The following DUSP14 variants were observed in gnomAD, a reference collection of about 807,000 sequenced individuals.
The protein encoded by DUSP14 is dual specificity protein phosphatase 14.
A neutral mutation model predicts 13.2 loss-of-function variants in DUSP14; 5 were observed. The ratio of observed to expected loss-of-function variants is 0.38; its 90% CI spans 0.20 to 0.80. The LOEUF (loss-of-function observed/expected upper bound fraction) is 0.80. DUSP14 is among the 30% of genes least tolerant of loss of function. The pLI, the probability that DUSP14 is intolerant of heterozygous loss-of-function variation, is 0.44. For synonymous variants in DUSP14, 91 were observed against 103.4 expected, an observed-to-expected ratio of 0.88 and a Z score of 0.73; for missense variants, 185 against 264.0, an observed-to-expected ratio of 0.70 and a Z score of 2.07.
rs539554147 is a variant in DUSP14 at position 37,508,733 on chromosome 17, C to CT, written c.-180-1944_-180-1943insT. On this transcript the variant is annotated intron_variant, in intron 1 of 2. Transcript: ENST00000617516. Reference sequence around the variant, plus strand: ...TGGGTGACAGAGCCAGACTCCATCTCAATATATATATATATATATGTATGT... The same window carrying CT: ...TGGGTGACAGAGCCAGACTCCATCTCTAATATATATATATATATATGTATGT... 6.5e-3 allele frequency among the ~76,000 whole-genome samples: 836 copies of CT among 129,052 alleles called. 6 individuals are homozygous for CT. Among genetic ancestry groups the CT allele is most frequent in the African/African-American group, 0.023 (798 of 35,458 alleles). The allele number at this position is 129,052 out of a possible 152,430, so 84.7% of individuals were successfully genotyped here. A position where few individuals can be genotyped will look rare whatever the true frequency, so the allele number is the denominator to read the frequency against.
At position 37,512,907 on chromosome 17, in the gene DUSP14, G is replaced by A. The variant is rs765512323; in HGVS notation, c.*38G>A. The A allele has an allele frequency of 4.8e-5, 73 of 1,530,106 alleles. No homozygotes were observed. Among genetic ancestry groups the A allele is most frequent in the Non-Finnish European group, 5.9e-5 (66 of 1,118,556 alleles). 94.8% of individuals were successfully genotyped at this position (1,530,106 alleles called of 1,614,324 possible). ...CTGCGTCAGCAGCCCGAGCGGGGCC[G>A]GCATCTGCTCCCCGCCGTCTGCTCC... On this transcript the variant is annotated 3_prime_UTR_variant, in exon 3 of 3. Coordinates refer to ENST00000617516, the MANE Select transcript of DUSP14 (RefSeq NM_007026.4). The surrounding 1 kb of genome is among the most constrained non-coding windows in gnomAD (Gnocchi z 4.8).
intron 1 of DUSP14, among the ~76,000 whole-genome samples, chr17:37,492,868 C>G (rs1023045665): frequency 2.6e-5 from 4 of 152,100 alleles, no homozygotes; most frequent in African/African-American, 9.7e-5. Context: ...TCATTTCCTT[C>G]TTTTCTATAG....
chr17:37,496,428 G>A (rs529547586), intron 1 of DUSP14, among the ~76,000 whole-genome samples: 7 of 151,930 alleles, frequency 4.6e-5, no homozygotes, highest in Admixed American at 3.3e-4. Context: ...GACCAACATG[G>A]TGAAACCCCA....
intron 1 of DUSP14, among the ~76,000 whole-genome samples, chr17:37,493,484 T>C (rs1193033621): frequency 2.0e-5 from 3 of 152,224 alleles, no homozygotes; most frequent in African/African-American, 7.2e-5. Context: ...ATTTGCTGTT[T>C]AACCACAATT....
At chr17:37,494,854 CTTT>C (rs1400219484) in intron 1 of DUSP14, among the ~76,000 whole-genome samples, 1 of 152,114 alleles carries the variant, frequency 6.6e-6, no homozygotes, top group East Asian at 1.9e-4. Context: ...TTTGTAGATC[CTTT>C]TTATTTCTTC....
intron 1 of DUSP14, among the ~76,000 whole-genome samples, chr17:37,494,321 A>G (rs113199763): frequency 8.5e-5 from 13 of 152,230 alleles, no homozygotes; most frequent in African/African-American, 2.9e-4. Flanking sequence ...ATTTTTCTCC[A>G]AATTTTCCTT....
rs777529498 is a variant in DUSP14, at chr17:37,512,482, A to G, written c.210A>G (p.Gln70=). ...TIEIPNFNWP[Q]FEYVKVPLAD... ...AGATCCCTAATTTCAACTGGCCCCA[A>G]TTTGAGTATGTTAAAGTGCCTCTGG... is the stretch of plus-strand genomic sequence containing the variant. The change falls in exon 3 of 3, where the codon CAA becomes CAG. Residue 70 remains glutamine (Q), a synonymous_variant. Transcript: ENST00000617516. The surrounding 1 kb of genome is among the most constrained non-coding windows in gnomAD (Gnocchi z 4.8). The G allele has an allele frequency of 1.9e-6, 3 of 1,614,080 alleles. No homozygotes were observed. The highest frequency in any genetic ancestry group is 2.5e-6 in the Non-Finnish European group (3 of 1,180,010).
chr17:37,491,799 C>T (rs942268071), intron 1 of DUSP14, among the ~76,000 whole-genome samples: 1 of 152,058 alleles, frequency 6.6e-6, no homozygotes, highest in African/African-American at 2.4e-5. Flanking sequence ...GATTTTAAGG[C>T]AAAATGGATT....
intron 1 of DUSP14, among the ~76,000 whole-genome samples, chr17:37,498,045 CAAA>C (rs1209927173): frequency 5.1e-5 from 6 of 116,826 alleles, no homozygotes; most frequent in African/African-American, 3.2e-5. Flanking sequence ...GACCCTGTCT[CAAA>C]AAAAAAAAAA....
intron 1 of DUSP14, among the ~76,000 whole-genome samples, chr17:37,497,769 A>G (rs922101925): frequency 6.7e-6 from 1 of 149,958 alleles, no homozygotes; most frequent in Non-Finnish European, 1.5e-5. Flanking sequence ...ACAAGACAAG[A>G]CTAAGCATGG....
intron 1 of DUSP14, among the ~76,000 whole-genome samples, chr17:37,507,404 G>A (rs904298691): frequency 3.9e-5 from 6 of 152,326 alleles, no homozygotes; most frequent in East Asian, 3.9e-4. Flanking sequence ...GAATCAGCCC[G>A]GCTTCTACAG....
intron 2 of DUSP14, among the ~76,000 whole-genome samples, chr17:37,511,938 C>CCCCCTTTTT (rs1568206074): frequency 2.6e-5 from 1 of 38,248 alleles, no homozygotes; most frequent in Non-Finnish European, 4.6e-5. Flanking sequence ...CCCCACCCCA[C>CCCCCTTTTT]TTTTTTTTTT....
Position 37,493,576 on chromosome 17 carries a change from A to G in DUSP14, c.-181+3618A>G, listed in dbSNP as rs370628856. Among the ~76,000 whole-genome samples, 22 of 151,758 alleles carry G rather than the reference A, an allele frequency of 1.4e-4. No homozygotes were observed. In the East Asian group the frequency reaches 3.7e-3, roughly 25 times the overall value. ...GCCTGTCATGTGCTAGCGTATTTTT[A>G]TTTAGTTATATGGTTTGGACTAACC... On this transcript the variant is annotated intron_variant, in intron 1 of 2. Coordinates refer to ENST00000617516, the MANE Select transcript of DUSP14 (RefSeq NM_007026.4).
intron 1 of DUSP14, among the ~76,000 whole-genome samples, chr17:37,503,054 T>G (rs1212821670): frequency 1.3e-5 from 2 of 152,074 alleles, no homozygotes; most frequent in Non-Finnish European, 2.9e-5. Context: ...TTCTTTTGGT[T>G]GAAGCCATCA....
intron 1 of DUSP14, chr17:37,510,360 AG>A (rs1455369455): frequency 1.3e-5 from 2 of 152,224 alleles, no homozygotes; most frequent in African/African-American, 4.8e-5. Flanking sequence ...TAGCCCACCG[AG>A]GAGGCAGCAG....
chr17:37,508,734 A>ATATAT (rs1568204174), intron 1 of DUSP14, among the ~76,000 whole-genome samples: 8 of 144,164 alleles, frequency 5.5e-5, no homozygotes, highest in African/African-American at 1.5e-4. Flanking sequence ...ACTCCATCTC[A>ATATAT]ATATATATAT....
intron 1 of DUSP14, among the ~76,000 whole-genome samples, chr17:37,509,086 C>CAA (rs1291530390): frequency 4.1e-5 from 1 of 24,672 alleles, no homozygotes; most frequent in Non-Finnish European, 6.2e-5. Flanking sequence ...AGAAGCCAGA[C>CAA]CAAAAAAAAA....
chr17:37,498,086 T>C (rs554733580), intron 1 of DUSP14, among the ~76,000 whole-genome samples: 80 of 152,216 alleles, frequency 5.3e-4, no homozygotes, highest in Non-Finnish European at 9.3e-4. Flanking sequence ...TAGCCTTTAT[T>C]TTGTACTGTC....
intron 1 of DUSP14, among the ~76,000 whole-genome samples, chr17:37,497,792 A>C (rs2054075708): frequency 1.3e-5 from 2 of 149,586 alleles, no homozygotes; most frequent in South Asian, 4.2e-4. Context: ...GCCCATGCCT[A>C]CAATCCCAGC....
Sources: gnomAD v4.1 joint callset for allele counts (sites outside exome capture counted in the v4.1 genomes callset) on GRCh38, gnomAD v4.1.1 for gene constraint, Gnocchi (gnomAD v3.1) non-coding constraint, MANE v1.5 for transcripts, NCBI Gene and HGNC (gene_info 2026-07-23, HGNC 2026-07-21) for gene names.